Variants in NCR3LG1 observed in about 807,000 individuals in gnomAD.
NCR3LG1 encodes natural killer cell cytotoxicity receptor 3 ligand 1.
In NCR3LG1, 35 loss-of-function variants were observed where a neutral mutation model predicts 34.8. That is an observed-to-expected ratio of 1.01 (90% CI 0.77 to 1.33). The LOEUF is 1.33. Ranked by LOEUF, NCR3LG1 falls within the 40% of genes most tolerant of loss-of-function variation. The pLI is 0.00. For synonymous variants in NCR3LG1, 173 were observed against 163.6 expected, an observed-to-expected ratio of 1.06 and a Z score of -0.44; for missense variants, 452 against 423.3, an observed-to-expected ratio of 1.07 and a Z score of -0.60.
intron 3 of NCR3LG1, among the ~76,000 whole-genome samples, chr11:17,368,462 G>A (rs1313377794): frequency 6.6e-6 from 1 of 152,096 alleles, no homozygotes; most frequent in African/African-American, 2.4e-5. Context: ...AGGACTAGGT[G>A]TGTGTGTGGG....
chr11:17,379,952 T>A (rs1564862530), downstream of NCR3LG1, among the ~76,000 whole-genome samples: 1 of 152,032 alleles, frequency 6.6e-6, no homozygotes, highest in Non-Finnish European at 1.5e-5. Context: ...CAGCTACAGA[T>A]CTCAGGGATC....
At chr11:17,367,683 G>A (rs1953361061) in intron 3 of NCR3LG1, among the ~76,000 whole-genome samples, 1 of 152,146 alleles carries the variant, frequency 6.6e-6, no homozygotes, top group South Asian at 2.1e-4. Flanking sequence ...TAGGGGAATG[G>A]GGACAGTATC....
intron 2 of NCR3LG1, among the ~76,000 whole-genome samples, chr11:17,358,942 T>TTTTATTTAATTTTTGGC (rs1156256664): frequency 6.6e-6 from 1 of 152,228 alleles, no homozygotes; most frequent in Non-Finnish European, 1.5e-5. Context: ...TTATTTTTTG[T>TTTTATTTAATTTTTGGC]TTTATTTAAT....
Position 17,366,999 on chromosome 11 carries a change from T to C in NCR3LG1, c.422-10T>C, listed in dbSNP as rs1273021736. On this transcript the variant is annotated splice_polypyrimidine_tract_variant and intron_variant, in intron 2 of 4. Transcript: ENST00000338965. ...GGGCCCAACTCTGTATGATTTTTTT[T>C]CCCTGACAGCTTCCCCAGCCAGCAG... 6 of 1,526,484 alleles carry C rather than the reference T, an allele frequency of 3.9e-6. No individual in the cohort carries two copies. The highest frequency in any genetic ancestry group is 5.3e-6 in the Non-Finnish European group (6 of 1,140,760). 94.6% of individuals were successfully genotyped at this position (1,526,484 alleles called of 1,614,324 possible).
downstream of NCR3LG1, among the ~76,000 whole-genome samples, chr11:17,378,086 A>G (rs1201081819): frequency 6.6e-6 from 1 of 152,154 alleles, no homozygotes; most frequent in Non-Finnish European, 1.5e-5. Context: ...ATGATGCCAC[A>G]AGGGTAGAAG....
chr11:17,372,359 G>A lies in NCR3LG1; in HGVS notation c.1212G>A (p.Lys404=), dbSNP rs749463168. 1 of 703,052 alleles carries A rather than the reference G, an allele frequency of 1.4e-6. No homozygotes were observed. Among genetic ancestry groups the A allele is most frequent in the South Asian group, 1.5e-5 (1 of 67,602 alleles). 43.6% of individuals were successfully genotyped at this position (703,052 alleles called of 1,614,324 possible). A position where few individuals can be genotyped will look rare whatever the true frequency, so the allele number is the denominator to read the frequency against. The change falls in exon 5 of 5, where the codon AAG becomes AAA. Residue 404 remains lysine, a synonymous_variant. Transcript: ENST00000338965. ...AGTCCATAGATGATAATTCCACAAA[G>A]TCTGAGAAACAAACCCCTAGGGAAC... is the stretch of plus-strand genomic sequence containing the variant. ...SGKSIDDNST[K]SEKQTPREHS...
rs11024264 is a variant in NCR3LG1, at chr11:17,352,310, A to G, written c.70+271A>G. On this transcript the variant is annotated intron_variant, in intron 1 of 4. Transcript: ENST00000338965. ...ATTCTCCTGCCTCAGACTCCCGAGTAGCTGGGACCACAGGCGCCCGCCACC... is the reference window on the plus strand; with the variant it reads ...ATTCTCCTGCCTCAGACTCCCGAGTGGCTGGGACCACAGGCGCCCGCCACC... Among the ~76,000 whole-genome samples the G allele has an allele frequency of 8.7e-3, 1,314 of 151,036 alleles. 4 individuals carry two copies. Among genetic ancestry groups the G allele is most frequent in the Non-Finnish European group, 0.014 (984 of 67,892 alleles).
chr11:17,357,964 A>G (rs1415749283), intron 2 of NCR3LG1, among the ~76,000 whole-genome samples: 2 of 152,086 alleles, frequency 1.3e-5, no homozygotes, highest in Non-Finnish European at 2.9e-5. Context: ...GGGCCTCTCA[A>G]TGTGCTGGCA....
intron 1 of NCR3LG1, 112 bp from the exon 2 acceptor site, chr11:17,356,539 G>A: frequency 1.4e-6 from 1 of 737,910 alleles, no homozygotes; most frequent in East Asian, 2.7e-5. Context: ...ATCACACTGG[G>A]GGTCAGGCCT....
chr11:17,360,799 C>T (rs1953261946), intron 2 of NCR3LG1, among the ~76,000 whole-genome samples: 1 of 152,118 alleles, frequency 6.6e-6, no homozygotes. Context: ...TACAGTGACA[C>T]AATCTTGGCT....
chr11:17,356,175 T>G (rs558995062), intron 1 of NCR3LG1, among the ~76,000 whole-genome samples: 28 of 146,322 alleles, frequency 1.9e-4, no homozygotes, highest in African/African-American at 7.0e-4. Context: ...TGTCGCTCTG[T>G]CACCCAGGCT....
intron 1 of NCR3LG1, among the ~76,000 whole-genome samples, chr11:17,352,480 G>T (rs1269859781): frequency 1.3e-5 from 2 of 152,106 alleles, no homozygotes; most frequent in Non-Finnish European, 2.9e-5. Flanking sequence ...CGGCCTGGGG[G>T]CTCTATTTTC....
intron 1 of NCR3LG1, among the ~76,000 whole-genome samples, chr11:17,353,383 G>T (rs1035942485): frequency 6.6e-5 from 10 of 152,258 alleles, no homozygotes; most frequent in Non-Finnish European, 5.9e-5. Context: ...CCAAAATTGC[G>T]CTTGTCTCCG....
chr11:17,372,593 C>G lies in NCR3LG1; in HGVS notation c.*81C>G. On this transcript the variant is annotated 3_prime_UTR_variant, in exon 5 of 5. Coordinates refer to ENST00000338965, the MANE Select transcript of NCR3LG1 (RefSeq NM_001202439.3). Reference sequence around the variant, plus strand: ...TTGGGCAAATAAGAGGGGACCTGGGCAAGTTCTCTGATGACCTGATAGATA... The same window carrying G: ...TTGGGCAAATAAGAGGGGACCTGGGGAAGTTCTCTGATGACCTGATAGATA... 1.6e-6 allele frequency: 1 copy of G among 612,708 alleles called. No homozygotes were observed. The highest frequency in any genetic ancestry group is 2.9e-6 in the Non-Finnish European group (1 of 344,124). The allele number at this position is 612,708 out of a possible 1,614,324, so 38.0% of individuals were successfully genotyped here.
intron 1 of NCR3LG1, among the ~76,000 whole-genome samples, chr11:17,353,418 A>C (rs11608045): frequency 6.6e-6 from 1 of 151,996 alleles, no homozygotes. Context: ...AACGCCTGTC[A>C]CTGCGGTCTG....
rs1387453561 is a variant in NCR3LG1, at chr11:17,356,695, C to A, written c.115C>A (p.Pro39Thr). ...GATGGCAGGGGGGACTCAGATCACA[C>A]CCCTGAATGACAATGTCACCATATT... The part of the protein sequence containing the change: ...EMMAGGTQIT[P>T]LNDNVTIFCN... Residue 39 changes from proline to threonine, a missense_variant, in exon 2 of 5, where the codon CCC (proline) becomes ACC (threonine). Physicochemically the swap from Pro to Thr is conservative, Grantham distance 38. Transcript: ENST00000338965. 2 of 1,536,176 alleles carry A rather than the reference C, an allele frequency of 1.3e-6. No individual in the cohort carries two copies. The highest frequency in any genetic ancestry group is 1.2e-5 in the South Asian group (1 of 84,046).
intron 2 of NCR3LG1, among the ~76,000 whole-genome samples, chr11:17,365,451 C>T (rs957467788): frequency 6.6e-6 from 1 of 152,132 alleles, no homozygotes; most frequent in Non-Finnish European, 1.5e-5. Flanking sequence ...CTTTTAGTGG[C>T]CTGAGCCTCT....
chr11:17,378,602 G>A (rs1045067667), downstream of NCR3LG1, among the ~76,000 whole-genome samples: 6 of 152,068 alleles, frequency 3.9e-5, no homozygotes, highest in African/African-American at 7.2e-5. Flanking sequence ...CCCCAACGAC[G>A]CCCCCTTCCA....
At chr11:17,380,560 ACT>A (rs1336816016), downstream of NCR3LG1, 3 of 151,984 alleles carry the variant, frequency 2.0e-5, no homozygotes, top group Non-Finnish European at 4.4e-5. Flanking sequence ...ATCTTGGCTT[ACT>A]GCAACCTCCA....
Sources: gnomAD v4.1 joint callset for allele counts (sites outside exome capture counted in the v4.1 genomes callset) on GRCh38, gnomAD v4.1.1 for gene constraint, MANE v1.5 for transcripts, NCBI Gene and HGNC (gene_info 2026-07-23, HGNC 2026-07-21) for gene names.